Variants in SLC2A13 observed in about 807,000 individuals in gnomAD.
SLC2A13 encodes solute carrier family 2 member 13.
SLC2A13 carries 32 observed loss-of-function variants against 64.4 expected under a neutral mutation model. The ratio of observed to expected loss-of-function variants is 0.50; its 90% CI spans 0.37 to 0.67. The LOEUF (loss-of-function observed/expected upper bound fraction) is 0.67, where lower values mean the gene tolerates loss of function less well. Ranked by LOEUF, SLC2A13 falls within the 30% of genes least tolerant of loss-of-function variation. The pLI, the probability that SLC2A13 is intolerant of heterozygous loss-of-function variation, is 0.00. For missense variants in SLC2A13, 743 were observed against 829.2 expected, an observed-to-expected ratio of 0.90 and a Z score of 1.28; for synonymous variants, 338 against 327.1, an observed-to-expected ratio of 1.03 and a Z score of -0.36.
At chr12:39,823,443 T>C (rs1244914632) in intron 7 of SLC2A13, among the ~76,000 whole-genome samples, 2 of 152,188 alleles carry the variant, frequency 1.3e-5, no homozygotes, top group Admixed American at 6.6e-5. Context: ...TTTTCAAAAA[T>C]TTTAAAGAGG....
chr12:39,784,159 TTA>T (rs1395806995), intron 7 of SLC2A13, among the ~76,000 whole-genome samples: 1 of 152,138 alleles, frequency 6.6e-6, no homozygotes, highest in Non-Finnish European at 1.5e-5. Flanking sequence ...CCAAGGTAAT[TTA>T]TAGATTCAAT....
intron 1 of SLC2A13, among the ~76,000 whole-genome samples, chr12:40,050,484 T>C (rs941934110): frequency 5.9e-5 from 9 of 152,284 alleles, no homozygotes; most frequent in African/African-American, 2.2e-4. Flanking sequence ...GACAGACTCA[T>C]TGGATTTGGA....
At chr12:39,928,093 A>T (rs1945758877) in intron 4 of SLC2A13, among the ~76,000 whole-genome samples, 1 of 152,222 alleles carries the variant, frequency 6.6e-6, no homozygotes, top group Non-Finnish European at 1.5e-5. Flanking sequence ...ACTTCATCGA[A>T]ATCTTTCCTA....
chr12:39,846,255 T>G (rs1943310247), intron 6 of SLC2A13, among the ~76,000 whole-genome samples: 3 of 152,136 alleles, frequency 2.0e-5, no homozygotes, highest in Non-Finnish European at 2.9e-5. Flanking sequence ...TATTCACCTT[T>G]GACCATAAGG....
At chr12:39,808,772 T>A (rs1377621301) in intron 7 of SLC2A13, among the ~76,000 whole-genome samples, 1 of 152,154 alleles carries the variant, frequency 6.6e-6, no homozygotes, top group Non-Finnish European at 1.5e-5. Flanking sequence ...TTTTGAAAGG[T>A]TGCTTTATTT....
At chr12:39,970,038 A>T (rs1195100690) in intron 3 of SLC2A13, among the ~76,000 whole-genome samples, 2 of 152,192 alleles carry the variant, frequency 1.3e-5, no homozygotes, top group East Asian at 3.8e-4. Flanking sequence ...TTTTCCCAGC[A>T]CCATTTGTTA....
intron 3 of SLC2A13, among the ~76,000 whole-genome samples, chr12:39,967,065 CTATT>C (rs1225049099): frequency 6.6e-6 from 1 of 152,096 alleles, no homozygotes; most frequent in African/African-American, 2.4e-5. Flanking sequence ...CAGGATGTGT[CTATT>C]TAAAATACTG....
chr12:40,015,261 G>C (rs1194929648), intron 3 of SLC2A13, among the ~76,000 whole-genome samples: 1 of 151,784 alleles, frequency 6.6e-6, no homozygotes, highest in Non-Finnish European at 1.5e-5. Flanking sequence ...TATATTCGTG[G>C]CCTTTCTTTT....
At chr12:40,101,557 T>C (rs1306131852) in intron 1 of SLC2A13, among the ~76,000 whole-genome samples, 2 of 152,126 alleles carry the variant, frequency 1.3e-5, no homozygotes, top group African/African-American at 4.8e-5. Flanking sequence ...CTTAAAAGTA[T>C]AATGGGAAAA....
intron 3 of SLC2A13, among the ~76,000 whole-genome samples, chr12:39,996,249 C>T (rs1465695488): frequency 6.6e-6 from 1 of 152,084 alleles, no homozygotes; most frequent in African/African-American, 2.4e-5. Flanking sequence ...GAACTTTAAA[C>T]TTGAGAGAGA....
intron 3 of SLC2A13, among the ~76,000 whole-genome samples, chr12:39,990,663 C>T (rs1212104725): frequency 2.0e-5 from 3 of 152,146 alleles, no homozygotes; most frequent in Non-Finnish European, 4.4e-5. Context: ...TCTAGGGCTA[C>T]GACTAGGTGG....
chr12:40,105,574 C>T lies in SLC2A13; in HGVS notation c.235G>A (p.Ala79Thr). ...AAGACGGCCACCACGTACACGAAGGCGGGGGTCTCGTCCTGCTGGAACTGC... is the reference window on the plus strand; with the variant it reads ...AAGACGGCCACCACGTACACGAAGGTGGGGGTCTCGTCCTGCTGGAACTGC... ...RRQFQQDETP[A>T]FVYVVAVFSA... is the part of the protein sequence containing the mutation. Residue 79 changes from alanine (A) to threonine (T), a missense_variant, in exon 1 of 10, where the codon GCC (alanine) becomes ACC (threonine). Around this residue, in one of 2 missense-constraint regions of SLC2A13, gnomAD observed 448 missense variants for 447.4 expected, o/e 1.00. Coordinates refer to ENST00000280871, the MANE Select transcript of SLC2A13 (RefSeq NM_052885.4). This position sits in a 1 kb window ranked among gnomAD's most constrained non-coding sequence, Gnocchi z 4.2. 2 of 1,566,904 alleles carry T rather than the reference C, an allele frequency of 1.3e-6. No homozygotes were observed. The highest frequency in any genetic ancestry group is 1.2e-5 in the South Asian group (1 of 85,384).
At chr12:39,850,533 C>T (rs992193147) in intron 6 of SLC2A13, among the ~76,000 whole-genome samples, 2 of 152,140 alleles carry the variant, frequency 1.3e-5, no homozygotes, top group African/African-American at 2.4e-5. Context: ...CAAGCCAAAA[C>T]ATACACACTT....
chr12:40,008,402 T>C (rs1246483125), intron 3 of SLC2A13, among the ~76,000 whole-genome samples: 2 of 151,920 alleles, frequency 1.3e-5, no homozygotes, highest in Admixed American at 6.5e-5. Context: ...AGTCAACAGA[T>C]CGAGACCATC....
intron 1 of SLC2A13, among the ~76,000 whole-genome samples, chr12:40,052,498 T>C (rs770575460): frequency 6.6e-6 from 1 of 151,382 alleles, no homozygotes; most frequent in Non-Finnish European, 1.5e-5. Flanking sequence ...TGAGTGAGAG[T>C]CTCGGGGTGA....
intron 4 of SLC2A13, among the ~76,000 whole-genome samples, chr12:39,932,168 C>T (rs1592294179): frequency 6.6e-6 from 1 of 152,086 alleles, no homozygotes; most frequent in Non-Finnish European, 1.5e-5. Context: ...TTTGATTTTA[C>T]TATATATTGC....
intron 1 of SLC2A13, among the ~76,000 whole-genome samples, chr12:40,102,093 T>C (rs1939170108): frequency 6.6e-6 from 1 of 152,244 alleles, no homozygotes; most frequent in Non-Finnish European, 1.5e-5. Flanking sequence ...TGTTCTATTT[T>C]TTTCCCTGAA....
rs139472255 is a variant in SLC2A13 at position 39,787,098 on chromosome 12, A to C, written c.1446-22240T>G. Among the ~76,000 whole-genome samples, 1,322 of 152,232 alleles carry C rather than the reference A, an allele frequency of 8.7e-3. 13 individuals are homozygous for C. Among genetic ancestry groups the C allele is most frequent in the Middle Eastern group, 0.044 (13 of 294 alleles). ...TGATCTATGTATCAGGAGTGACTCAATCTGGTTAAAAGTTGCAGAAAAATT... is the reference window on the plus strand; with the variant it reads ...TGATCTATGTATCAGGAGTGACTCACTCTGGTTAAAAGTTGCAGAAAAATT... On this transcript the variant is annotated intron_variant, in intron 7 of 9. Transcript: ENST00000280871.
intron 7 of SLC2A13, among the ~76,000 whole-genome samples, chr12:39,815,509 A>G (rs1942315213): frequency 6.6e-6 from 1 of 152,204 alleles, no homozygotes; most frequent in African/African-American, 2.4e-5. Context: ...ATTCACATGC[A>G]CTGAGAGATT....
Sources: allele counts gnomAD v4.1 joint callset (sites outside exome capture counted in the v4.1 genomes callset), GRCh38; gene constraint gnomAD v4.1.1; regional missense constraint gnomAD v4.1.1; non-coding constraint Gnocchi (gnomAD v3.1); transcripts MANE v1.5; gene names NCBI Gene and HGNC (gene_info 2026-07-23, HGNC 2026-07-21).